The following CRYAB variants were observed in gnomAD, a reference collection of about 807,000 sequenced individuals.
CRYAB encodes the protein alpha-crystallin B chain.
In CRYAB, 9 loss-of-function variants were observed where a neutral mutation model predicts 12.7. That is an observed-to-expected ratio of 0.71 (90% CI 0.43 to 1.24). The LOEUF is 1.24. Among genes scored for constraint, CRYAB ranks in the 50% most tolerant of loss-of-function variants. CRYAB has a pLI of 0.00. For missense variants in CRYAB, 183 were observed against 226.6 expected (o/e 0.81, Z 1.24); for synonymous variants, 93 against 86.8 (o/e 1.07, Z -0.40).
At chr11:111,918,885 C>A in intron 1 of CRYAB, 1 of 1,505,980 alleles carries the variant, frequency 6.6e-7, no homozygotes, top group Non-Finnish European at 9.2e-7. Context: ...ACTCCGGGAG[C>A]TGCCGCGGAA....
intron 2 of CRYAB, 42 bp downstream of exon 2, chr11:111,910,285 C>T: frequency 6.2e-7 from 1 of 1,612,936 alleles, no homozygotes; most frequent in Non-Finnish European, 8.5e-7. Flanking sequence ...TTACAGTATG[C>T]ACTGAATGAA....
At position 111,910,536 on chromosome 11, in the gene CRYAB, C is replaced by T. The variant is rs931211895; in HGVS notation, c.202-87G>A. On this transcript the variant is annotated intron_variant, in intron 1 of 2. Transcript: ENST00000650687. ...GGTGCTGTCTTATTCTGCAGAGCTG[C>T]TTTCTGTCCGGGTAATTCATCCTTC... is the stretch of plus-strand genomic sequence containing the variant. 341 of 1,510,012 alleles carry T rather than the reference C, an allele frequency of 2.3e-4. 2 individuals carry two copies. The highest frequency in any genetic ancestry group is 8.4e-4 in the Middle Eastern group (4 of 4,766). The allele number at this position is 1,510,012 out of a possible 1,614,324, so 93.5% of individuals were successfully genotyped here. A position where few individuals can be genotyped will look rare whatever the true frequency, so the allele number is the denominator to read the frequency against.
intron 2 of CRYAB, chr11:111,909,340 G>A: frequency 2.4e-6 from 1 of 415,890 alleles, no homozygotes; most frequent in East Asian, 7.1e-5. Context: ...CTTCAGGAAT[G>A]TCCCAGAAGG....
rs781913291 is a variant in CRYAB, at chr11:111,910,431, T to G, written c.220A>C (p.Arg74=). The change falls in exon 2 of 3, where the codon AGG becomes CGG. Residue 74 remains arginine (R), a synonymous_variant. Coordinates refer to ENST00000650687, the MANE Select transcript of CRYAB (RefSeq NM_001289808.2). The part of the protein sequence containing the change: ...GLSEMRLEKD[R]FSVNLDVKHF... The stretch of plus-strand genomic sequence containing the variant: ...TTCACATCCAGGTTGACAGAGAACC[T>G]GTCCTTCTCCAGGCGCATCTAGAAA... 3.0e-5 allele frequency: 49 copies of G among 1,614,190 alleles called. No homozygotes were observed. Among genetic ancestry groups the G allele is most frequent in the Non-Finnish European group, 4.1e-5 (48 of 1,180,026 alleles).
At chr11:111,912,880 A>G (rs1215085673), upstream of CRYAB, 20 of 1,609,864 alleles carry the variant, frequency 1.2e-5, no homozygotes, top group Non-Finnish European at 1.5e-5. Context: ...CCGAGTACGA[A>G]TTTGCCAACC....
chr11:111,919,133 C>T, intron 1 of CRYAB: 1 of 1,043,726 alleles, frequency 9.6e-7, no homozygotes, highest in Non-Finnish European at 1.4e-6. Context: ...CCTGGTACCT[C>T]CTTGTTCCAA....
At chr11:111,911,218 T>A (rs781894697) in intron 1 of CRYAB, among the ~76,000 whole-genome samples, 1 of 152,062 alleles carries the variant, frequency 6.6e-6, no homozygotes, top group Non-Finnish European at 1.5e-5. Context: ...GCAAAGGAGT[T>A]TGAAGGCAGC....
intron 1 of CRYAB, chr11:111,918,882 G>A: frequency 7.4e-6 from 11 of 1,479,502 alleles, no homozygotes; most frequent in Non-Finnish European, 1.0e-5. Flanking sequence ...CAGACTCCGG[G>A]AGCTGCCGCG....
upstream of CRYAB, among the ~76,000 whole-genome samples, chr11:111,914,580 A>G (rs1430187217): frequency 6.6e-6 from 1 of 152,136 alleles, no homozygotes; most frequent in South Asian, 2.1e-4. Flanking sequence ...AGCCTCTCCA[A>G]TTATCACGGA....
Position 111,910,338 on chromosome 11 carries a change from C to T in CRYAB, c.313G>A (p.Glu105Lys). 1 of 1,614,222 alleles carries T rather than the reference C, an allele frequency of 6.2e-7. No individual in the cohort carries two copies. Among genetic ancestry groups the T allele is most frequent in the Non-Finnish European group, 8.5e-7 (1 of 1,180,040 alleles). The change falls in exon 2 of 3, where the codon GAA becomes AAA. Residue 105 changes from glutamate (E) to lysine (K), a missense_variant. This residue lies in a region of CRYAB where 95 missense variants were observed against 112.5 expected (regional missense o/e 0.84). Coordinates refer to ENST00000650687, the MANE Select transcript of CRYAB (RefSeq NM_001289808.2). ...AACAAGCTACATACCTGGCGCTCTTCATGTTTTCCATGCACCTCAATCACA... is the reference window on the plus strand; with the variant it reads ...AACAAGCTACATACCTGGCGCTCTTTATGTTTTCCATGCACCTCAATCACA... ...GDVIEVHGKH[E>K]ERQDEHGFIS...
Position 111,921,486 on chromosome 11 carries a change from C to T in CRYAB, c.-199+2217G>A, listed in dbSNP as rs138899353. 2.1e-3 allele frequency among the ~76,000 whole-genome samples: 322 copies of T among 152,270 alleles called. 2 individuals carry two copies. Among genetic ancestry groups the T allele is most frequent in the African/African-American group, 6.4e-3 (268 of 41,556 alleles). The stretch of plus-strand genomic sequence containing the variant: ...CTCTTTATTAAGTTAGTAAAAAAGG[C>T]CCTTCATTAACCCGTCTGTAAAATG... On this transcript the variant is annotated intron_variant, in intron 1 of 3. Coordinates refer to the CRYAB transcript ENST00000527950.
At chr11:111,912,862 G>A (rs1005927969), upstream of CRYAB, 10 of 1,608,316 alleles carry the variant, frequency 6.2e-6, no homozygotes, top group African/African-American at 1.1e-4. Context: ...ATGCCCACCC[G>A]GCCACCGCCG....
chr11:111,921,548 G>C (rs975604425), intron 1 of CRYAB, among the ~76,000 whole-genome samples: 6 of 152,132 alleles, frequency 3.9e-5, no homozygotes, highest in Non-Finnish European at 8.8e-5. Context: ...TGTCAGGATT[G>C]AAAAAATAAA....
upstream of CRYAB, chr11:111,917,986 T>G (rs183222277): frequency 6.6e-6 from 1 of 152,346 alleles, no homozygotes; most frequent in Admixed American, 6.5e-5. Context: ...TTACCCATGT[T>G]TCATAAGAGG....
chr11:111,920,207 AAATAAAATAG>A lies in CRYAB; in HGVS notation c.-199+3486_-199+3495del, dbSNP rs1199660561. 1.1e-4 allele frequency among the ~76,000 whole-genome samples: 16 copies of A among 152,070 alleles called. 1 individual carries two copies. The highest frequency in any genetic ancestry group is 3.1e-4 in the African/African-American group (13 of 41,462). ...AAGACTCCGTCTCAAAAATAAAATA[AAATAAAATAG>A]AATAAAATAAAATAAAATAAATTAA... On this transcript the variant is annotated intron_variant, in intron 1 of 3. Transcript: ENST00000527950.
chr11:111,912,688 C>CG (rs1566412211), upstream of CRYAB: 1 of 533,814 alleles, frequency 1.9e-6, no homozygotes, highest in African/African-American at 2.0e-5. Flanking sequence ...CCCTCCCCCC[C>CG]CAAGAGGCTC....
chr11:111,917,042 G>C (rs587740609), upstream of CRYAB, among the ~76,000 whole-genome samples: 3 of 152,016 alleles, frequency 2.0e-5, no homozygotes, highest in East Asian at 5.8e-4. Context: ...TTTATACTTT[G>C]TAGAGATGAT....
intron 2 of CRYAB, 132 bp downstream of exon 2, chr11:111,910,195 T>C: frequency 1.8e-6 from 2 of 1,111,678 alleles, no homozygotes. Context: ...AGACATTGAT[T>C]TGTAACCCCT....
upstream of CRYAB, chr11:111,913,369 G>C: frequency 8.3e-7 from 1 of 1,206,600 alleles, no homozygotes; most frequent in East Asian, 2.3e-5. Context: ...CTCCTCTCCA[G>C]ATTTCCCATT....
Sources: allele counts gnomAD v4.1 joint callset (sites outside exome capture counted in the v4.1 genomes callset), GRCh38; gene constraint gnomAD v4.1.1; regional missense constraint gnomAD v4.1.1; transcripts MANE v1.5; gene names NCBI Gene and HGNC (gene_info 2026-07-23, HGNC 2026-07-21).